The following PHB2 variants were observed in gnomAD, a reference collection of about 807,000 sequenced individuals.
The protein encoded by PHB2 is prohibitin 2, also known as prohibitin-2.
In PHB2, 22 loss-of-function variants were observed where a neutral mutation model predicts 46.4. The observed-to-expected ratio is 0.47, with a 90% CI of 0.34 to 0.68. The LOEUF is 0.68. PHB2 is among the 30% of genes least tolerant of loss of function. The pLI is 0.01. For synonymous variants in PHB2, 156 were observed against 150.5 expected (o/e 1.04, Z -0.27); for missense variants, 305 against 382.8 (o/e 0.80, Z 1.70).
chr12:6,966,941 G>A (rs1946220678), intron 7 of PHB2, among the ~76,000 whole-genome samples: 2 of 152,154 alleles, frequency 1.3e-5, no homozygotes. Flanking sequence ...TAGAGATGGG[G>A]TTTCACCATG....
chr12:6,965,793 A>G, intron 9 of PHB2, 81 bp from the exon 10 acceptor site: 13 of 1,543,186 alleles, frequency 8.4e-6, no homozygotes, highest in Non-Finnish European at 1.2e-5. Flanking sequence ...CATTCCCTCT[A>G]CGACCCTCCT....
At chr12:6,965,796 A>G in intron 9 of PHB2, 84 bp from the exon 10 acceptor site, 1 of 1,544,764 alleles carries the variant, frequency 6.5e-7, no homozygotes, top group East Asian at 2.3e-5. Flanking sequence ...TCCCTCTACG[A>G]CCCTCCTACC....
Position 6,967,483 on chromosome 12 carries a change from A to G in PHB2, c.711+193T>C, listed in dbSNP as rs1555151021. 3.1e-6 allele frequency: 3 copies of G among 975,838 alleles called. No homozygotes were observed. The highest frequency in any genetic ancestry group is 4.9e-6 in the Non-Finnish European group (3 of 609,850). The allele number at this position is 975,838 out of a possible 1,614,324, so 60.4% of individuals were successfully genotyped here. ...ACCAATGCTATTGATCTGGCCTTAC[A>G]GTGGGGAGTCATGGCTCAGGTACTA... On this transcript the variant is annotated intron_variant, in intron 6 of 9. Transcript: ENST00000535923. The surrounding 1 kb of genome is among the most constrained non-coding windows in gnomAD (Gnocchi z 4.9).
At position 6,965,641 on chromosome 12, in the gene PHB2, A is replaced by G; in HGVS notation, c.*44T>C. On this transcript the variant is annotated 3_prime_UTR_variant, in exon 10 of 10. Transcript: ENST00000535923. ...TGGCTGGCTCCTCAAAAACTGGAGA[A>G]GCAGATCCACTTCCTCTGGGGGTGG... The G allele has an allele frequency of 1.9e-6, 3 of 1,579,580 alleles. No homozygotes were observed. The highest frequency in any genetic ancestry group is 2.3e-5 in the South Asian group (2 of 88,868).
chr12:6,965,744 A>G, intron 9 of PHB2, 32 bp from the exon 10 acceptor site: 3 of 1,597,094 alleles, frequency 1.9e-6, no homozygotes, highest in Non-Finnish European at 1.7e-6. Flanking sequence ...TAATGACATT[A>G]TTAGGGGACA....
At chr12:6,969,921 C>T in intron 2 of PHB2, 1 of 652,270 alleles carries the variant, frequency 1.5e-6, no homozygotes, top group South Asian at 1.6e-5. Flanking sequence ...AAGAAAAGGC[C>T]GCAGTTTCAC....
chr12:6,966,621 G>C (rs1320627019), intron 7 of PHB2, 121 bp from the exon 8 acceptor site: 1 of 719,408 alleles, frequency 1.4e-6, no homozygotes, highest in African/African-American at 1.7e-5. Flanking sequence ...GCAGCAATGA[G>C]TAACACATGG....
chr12:6,966,557 C>T, intron 7 of PHB2, 57 bp from the exon 8 acceptor site: 1 of 1,053,880 alleles, frequency 9.5e-7, no homozygotes, highest in Non-Finnish European at 1.5e-6. Context: ...CAATTCCGAC[C>T]CCTGCAATTC....
intron 2 of PHB2, chr12:6,969,908 A>G (rs1273454888): frequency 3.2e-6 from 2 of 630,058 alleles, no homozygotes; most frequent in East Asian, 3.0e-5. Flanking sequence ...CCAAAAAAAA[A>G]AAAAGAAAAG....
chr12:6,969,484 G>A lies in PHB2; in HGVS notation c.292+14C>T, dbSNP rs1555151551. On this transcript the variant is annotated intron_variant, in intron 3 of 9. Coordinates refer to ENST00000535923, the MANE Select transcript of PHB2 (RefSeq NM_001144831.2). ...ATCCCACCTGCCATGTGATTACCAA[G>A]TGCTCAGACCTACCTTTGGAGCCTG... The A allele has an allele frequency of 2.7e-6, 4 of 1,499,092 alleles. No individual in the cohort carries two copies. The highest frequency in any genetic ancestry group is 3.5e-5 in the Admixed American group (2 of 57,204). 92.9% of individuals were successfully genotyped at this position (1,499,092 alleles called of 1,614,324 possible). A position where few individuals can be genotyped will look rare whatever the true frequency, so the allele number is the denominator to read the frequency against.
At chr12:6,970,306 G>C (rs1555151842) in intron 1 of PHB2, 26 bp from the exon 2 acceptor site, 1 of 1,609,816 alleles carries the variant, frequency 6.2e-7, no homozygotes, top group South Asian at 1.1e-5. Flanking sequence ...TGGTGATCAG[G>C]CCAGGCCGCT....
rs955685373 is a variant in PHB2 at position 6,969,463 on chromosome 12, C to T, written c.292+35G>A. 5 of 1,216,166 alleles carry T rather than the reference C, an allele frequency of 4.1e-6. No homozygotes were observed. In the East Asian group the frequency reaches 7.1e-5, roughly 17 times the overall value. 75.3% of individuals were successfully genotyped at this position (1,216,166 alleles called of 1,614,324 possible). ...TTCTTGCCAGCTACCTTGATCATCC[C>T]ACCTGCCATGTGATTACCAAGTGCT... On this transcript the variant is annotated intron_variant, in intron 3 of 9. Transcript: ENST00000535923.
intron 3 of PHB2, chr12:6,968,799 CA>C: frequency 1.7e-6 from 1 of 599,678 alleles, no homozygotes; most frequent in Middle Eastern, 3.6e-4. Flanking sequence ...CCTTGAACTG[CA>C]AACCCCGTCA....
chr12:6,968,098 TA>T, intron 4 of PHB2, 77 bp from the exon 5 acceptor site: 1 of 1,329,370 alleles, frequency 7.5e-7, no homozygotes, highest in East Asian at 2.4e-5. Context: ...TTGCGACCCC[TA>T]ACCCTTCACT....
chr12:6,970,068 C>T (rs782352614), intron 2 of PHB2, 128 bp downstream of exon 2: 2 of 780,492 alleles, frequency 2.6e-6, no homozygotes, highest in Non-Finnish European at 4.5e-6. Flanking sequence ...CACCCACTAT[C>T]CTAGGGGCAG....
chr12:6,966,014 G>T, intron 8 of PHB2, 98 bp from the exon 9 acceptor site: 1 of 1,286,862 alleles, frequency 7.8e-7, no homozygotes, highest in Non-Finnish European at 1.1e-6. Context: ...ACCCTCCTTT[G>T]CTCCCAAGAG....
intron 7 of PHB2, among the ~76,000 whole-genome samples, chr12:6,966,712 T>G (rs1227021843): frequency 1.3e-5 from 2 of 152,176 alleles, no homozygotes; most frequent in Non-Finnish European, 2.9e-5. Context: ...AGAGGAATCA[T>G]TCTTGACAGG....
chr12:6,969,796 G>A, intron 2 of PHB2: 2 of 510,982 alleles, frequency 3.9e-6, no homozygotes, highest in African/African-American at 1.9e-5. Flanking sequence ...CTACTCGTGA[G>A]GCTGAGGCAG....
chr12:6,966,554 G>A (rs781990290), intron 7 of PHB2, 54 bp from the exon 8 acceptor site: 3 of 1,098,276 alleles, frequency 2.7e-6, no homozygotes, highest in Non-Finnish European at 4.2e-6. Context: ...CCTCAATTCC[G>A]ACCCCTGCAA....
Sources: gnomAD v4.1 joint callset for allele counts (sites outside exome capture counted in the v4.1 genomes callset) on GRCh38, gnomAD v4.1.1 for gene constraint, Gnocchi (gnomAD v3.1) non-coding constraint, MANE v1.5 for transcripts, NCBI Gene and HGNC (gene_info 2026-07-23, HGNC 2026-07-21) for gene names.